SHLD1: variants seen among roughly 807,000 people sequenced by gnomAD.
The protein encoded by SHLD1 is RINN1-REV7-interacting novel NHEJ regulator 3.
In SHLD1, 3 loss-of-function variants were observed where a neutral mutation model predicts 5.5. That is an observed-to-expected ratio of 0.54 (90% CI 0.25 to 1.40). The LOEUF (loss-of-function observed/expected upper bound fraction) is 1.40. Ranked by LOEUF, SHLD1 falls within the 40% of genes most tolerant of loss-of-function variation. The pLI is 0.15. For missense variants in SHLD1, 210 were observed against 244.4 expected (o/e 0.86, Z 0.94); for synonymous variants, 92 against 94.3 (o/e 0.98, Z 0.14).
At chr20:5,823,225 C>T (rs187549787) in intron 2 of SHLD1, among the ~76,000 whole-genome samples, 1 of 152,174 alleles carries the variant, frequency 6.6e-6, no homozygotes, top group Admixed American at 6.5e-5. Flanking sequence ...TTCTCATCCT[C>T]CTCTGCTGGC....
chr20:5,812,255 A>G (rs56142145), intron 2 of SHLD1, among the ~76,000 whole-genome samples: 52,470 of 151,860 alleles, frequency 0.35, 10,775 homozygotes, highest in Non-Finnish European at 0.45. Context: ...AGTTTTCTGT[A>G]GTCCCTAGTG....
chr20:5,756,600 C>A (rs1429471932), intron 1 of SHLD1: 1 of 161,478 alleles, frequency 6.2e-6, no homozygotes, highest in Admixed American at 6.6e-5. Flanking sequence ...CTGCATTGAT[C>A]TTGTATCATG....
intron 1 of SHLD1, among the ~76,000 whole-genome samples, chr20:5,757,968 T>TC (rs1984217241): frequency 1.3e-5 from 2 of 152,204 alleles, no homozygotes; most frequent in African/African-American, 2.4e-5. Flanking sequence ...TGTTAGAGTA[T>TC]GATCCTCTTA....
At chr20:5,832,031 A>T (rs1485988923) in intron 2 of SHLD1, among the ~76,000 whole-genome samples, 1 of 152,084 alleles carries the variant, frequency 6.6e-6, no homozygotes, top group African/African-American at 2.4e-5. Context: ...ACCTCCGCCT[A>T]CCTGCTTCAA....
chr20:5,761,177 G>A (rs1237076598), intron 1 of SHLD1, among the ~76,000 whole-genome samples: 1 of 152,012 alleles, frequency 6.6e-6, no homozygotes, highest in Non-Finnish European at 1.5e-5. Context: ...AACACCACAT[G>A]TTCTCACTCA....
chr20:5,806,076 G>A lies in SHLD1; in HGVS notation c.178+33033G>A, dbSNP rs2087371035. Among the ~76,000 whole-genome samples the A allele has an allele frequency of 6.6e-6, 1 of 152,010 alleles. No individual in the cohort carries two copies. Among genetic ancestry groups the A allele is most frequent in the African/African-American group, 2.4e-5 (1 of 41,372 alleles). ...GATGCGGCCTTGCTCTGTTGCCCAG[G>A]CTAGTTTAGAACTCCTGGGTTCAAG... On this transcript the variant is annotated intron_variant, in intron 2 of 2. Coordinates refer to ENST00000303142, the MANE Select transcript of SHLD1 (RefSeq NM_152504.4). The surrounding 1 kb of genome is among the most constrained non-coding windows in gnomAD (Gnocchi z 7.6).
intron 2 of SHLD1, among the ~76,000 whole-genome samples, chr20:5,804,072 A>G (rs2087338984): frequency 6.6e-6 from 1 of 151,840 alleles, no homozygotes; most frequent in Non-Finnish European, 1.5e-5. Flanking sequence ...GCACTTTGAG[A>G]TGCCGAGGCG....
intron 2 of SHLD1, among the ~76,000 whole-genome samples, chr20:5,833,129 TAG>T (rs35873978): frequency 0.03 from 4,554 of 152,268 alleles, 172 homozygotes; most frequent in East Asian, 0.13. Flanking sequence ...CTCCTAAAAA[TAG>T]ACTCCTAAAA....
rs777421934 is a variant in SHLD1, at chr20:5,773,372, G to T, written c.178+329G>T. 835 of 569,694 alleles carry T rather than the reference G, an allele frequency of 1.5e-3. 5 individuals carry two copies. Among genetic ancestry groups the T allele is most frequent in the Non-Finnish European group, 5.6e-4 (179 of 321,186 alleles). 35.3% of individuals were successfully genotyped at this position (569,694 alleles called of 1,614,324 possible). A position where few individuals can be genotyped will look rare whatever the true frequency, so the allele number is the denominator to read the frequency against. On this transcript the variant is annotated intron_variant, in intron 2 of 2. Coordinates refer to ENST00000303142, the MANE Select transcript of SHLD1 (RefSeq NM_152504.4). Reference sequence around the variant, plus strand: ...AGAGAGTGGAATTTTTTTTTGTTTTGTTCTTTTAAAACTTCAGAAAATAGC... The same window carrying T: ...AGAGAGTGGAATTTTTTTTTGTTTTTTTCTTTTAAAACTTCAGAAAATAGC...
At chr20:5,810,783 C>G (rs374779149) in intron 2 of SHLD1, among the ~76,000 whole-genome samples, 85 of 151,594 alleles carry the variant, frequency 5.6e-4, no homozygotes, top group African/African-American at 2.0e-3. Flanking sequence ...TAACTACATC[C>G]CAGCTACTTG....
intron 2 of SHLD1, among the ~76,000 whole-genome samples, chr20:5,845,272 A>G (rs2087919833): frequency 6.6e-6 from 1 of 152,236 alleles, no homozygotes; most frequent in Admixed American, 6.5e-5. Flanking sequence ...CTTCCTGCTA[A>G]TAAATCATTT....
chr20:5,779,099 G>A (rs1351177129), intron 2 of SHLD1, among the ~76,000 whole-genome samples: 4 of 152,050 alleles, frequency 2.6e-5, no homozygotes, highest in South Asian at 4.2e-4. Context: ...GCTACTGGGA[G>A]GCTGAGGCAT....
intron 2 of SHLD1, among the ~76,000 whole-genome samples, chr20:5,857,370 C>A (rs1015847098): frequency 1.8e-4 from 27 of 152,160 alleles, no homozygotes; most frequent in African/African-American, 6.5e-4. Context: ...ACAGACCAAC[C>A]AAGGAAGCGG....
At chr20:5,812,762 G>A (rs2087476692) in intron 2 of SHLD1, among the ~76,000 whole-genome samples, 1 of 152,188 alleles carries the variant, frequency 6.6e-6, no homozygotes, top group Non-Finnish European at 1.5e-5. Flanking sequence ...TCAGTCATTA[G>A]CGAAATGCTT....
intron 2 of SHLD1, among the ~76,000 whole-genome samples, chr20:5,774,403 GAC>G (rs1346555876): frequency 6.6e-6 from 1 of 152,154 alleles, no homozygotes; most frequent in Non-Finnish European, 1.5e-5. Flanking sequence ...TGATTTTCAG[GAC>G]ACAGAGTAAT....
chr20:5,817,432 C>CTCTG lies in SHLD1; in HGVS notation c.178+44390_178+44391insCTGT, dbSNP rs1473391202. ...TCTCTCTCTCTCTCTCTCTCTCTCT[C>CTCTG]TGTGTGTGTGTGTGTGTGTGTGTGT... is the stretch of plus-strand genomic sequence containing the variant. On this transcript the variant is annotated intron_variant, in intron 2 of 2. Coordinates refer to ENST00000303142, the MANE Select transcript of SHLD1 (RefSeq NM_152504.4). Among the ~76,000 whole-genome samples, 679 of 85,612 alleles carry CTCTG rather than the reference C, an allele frequency of 7.9e-3. 5 individuals are homozygous for CTCTG. The highest frequency in any genetic ancestry group is 0.016 in the African/African-American group (280 of 17,976). The allele number at this position is 85,612 out of a possible 152,430, so 56.2% of individuals were successfully genotyped here.
chr20:5,843,302 T>C (rs1427567358), intron 2 of SHLD1, among the ~76,000 whole-genome samples: 1 of 151,890 alleles, frequency 6.6e-6, no homozygotes, highest in Non-Finnish European at 1.5e-5. Flanking sequence ...TTTCTTTTTT[T>C]TTTTTCCTTT....
intron 2 of SHLD1, among the ~76,000 whole-genome samples, chr20:5,814,646 T>TTC (rs933575577): frequency 6.7e-6 from 1 of 150,022 alleles, no homozygotes; most frequent in African/African-American, 2.5e-5. Flanking sequence ...CTTTTTCTTT[T>TTC]TCTTCTTCTT....
intron 2 of SHLD1, among the ~76,000 whole-genome samples, chr20:5,803,701 T>G (rs2087332168): frequency 6.6e-6 from 1 of 150,804 alleles, no homozygotes; most frequent in African/African-American, 2.5e-5. Context: ...AAAGCCCATC[T>G]CTACTAAAAA....
Sources: allele counts gnomAD v4.1 joint callset (sites outside exome capture counted in the v4.1 genomes callset), GRCh38; gene constraint gnomAD v4.1.1; non-coding constraint Gnocchi (gnomAD v3.1); transcripts MANE v1.5; gene names NCBI Gene and HGNC (gene_info 2026-07-23, HGNC 2026-07-21).